The following HHIP variants were observed in gnomAD, a reference collection of about 807,000 sequenced individuals.
HHIP encodes the protein hedgehog-interacting protein.
HHIP carries 12 observed loss-of-function variants against 74.0 expected under a neutral mutation model. That is an observed-to-expected ratio of 0.16 (90% CI 0.10 to 0.26). The LOEUF is 0.26. Among genes scored for constraint, HHIP ranks in the 10% least tolerant of loss-of-function variants. The pLI is 1.00. For missense variants in HHIP, 788 were observed against 845.0 expected, an observed-to-expected ratio of 0.93 and a Z score of 0.84; for synonymous variants, 309 against 311.6, an observed-to-expected ratio of 0.99 and a Z score of 0.09.
At chr4:144,684,254 T>C in intron 4 of HHIP, among the ~76,000 whole-genome samples, 1 of 43,408 alleles carries the variant, frequency 2.3e-5, no homozygotes, top group African/African-American at 9.6e-5. Context: ...TTTTTTTTTT[T>C]TTTTTTTTTT....
rs751329093 is a variant in HHIP, at chr4:144,674,736, C to T, written c.831+14898C>T. 3.9e-5 allele frequency among the ~76,000 whole-genome samples: 6 copies of T among 152,164 alleles called. No homozygotes were observed. In the East Asian group the frequency reaches 7.7e-4, roughly 20 times the overall value. On this transcript the variant is annotated intron_variant, in intron 4 of 12. Transcript: ENST00000296575. ...ACACAAAGAATTTAATTCTGACAGA[C>T]GTTTGTTCTCAGCATAAATACTTTA...
Position 144,684,570 on chromosome 4 carries a change from C to T in HHIP, c.832-21961C>T, listed in dbSNP as rs372010345. Among the ~76,000 whole-genome samples, 12 of 152,056 alleles carry T rather than the reference C, an allele frequency of 7.9e-5. 1 individual carries two copies. The highest frequency in any genetic ancestry group is 1.9e-4 in the East Asian group (1 of 5,142). On this transcript the variant is annotated intron_variant, in intron 4 of 12. Transcript: ENST00000296575. Reference sequence around the variant, plus strand: ...CTGAGATTACAGGCGTGAGCCACCGCGCCCGGCCAAAAGAAAATCTTTGAA... The same window carrying T: ...CTGAGATTACAGGCGTGAGCCACCGTGCCCGGCCAAAAGAAAATCTTTGAA...
chr4:144,707,931 A>G (rs1295754254), intron 6 of HHIP, among the ~76,000 whole-genome samples: 1 of 151,932 alleles, frequency 6.6e-6, no homozygotes, highest in African/African-American at 2.4e-5. Flanking sequence ...TTTTGTAGAG[A>G]TGGAGTCTCG....
At chr4:144,684,328 G>C (rs1304608878) in intron 4 of HHIP, among the ~76,000 whole-genome samples, 1 of 117,454 alleles carries the variant, frequency 8.5e-6, no homozygotes, top group African/African-American at 3.3e-5. Context: ...GCGCGATCTC[G>C]GCTCACTGCA....
Position 144,734,889 on chromosome 4 carries a change from G to T in HHIP, c.1909G>T (p.Ala637Ser). 1 of 1,603,056 alleles carries T rather than the reference G, an allele frequency of 6.2e-7. No individual in the cohort carries two copies. Among genetic ancestry groups the T allele is most frequent in the South Asian group, 1.1e-5 (1 of 90,478 alleles). ...PGWEGDFCRT[A>S]KCEPACRHGG... is the part of the protein sequence containing the mutation. ...CTGGGAGGGGGACTTCTGCAGAACT[G>T]GTTAGTATTTCTGTTTTCACCTGAA... is the stretch of plus-strand genomic sequence containing the variant. The change falls in exon 12 of 13, where the codon GCA (alanine) becomes TCA (serine). Residue 637 changes from alanine (A) to serine (S), a missense_variant and splice_region_variant. Ala to Ser is a moderately conservative substitution (Grantham distance 99, BLOSUM62 1). This residue lies in a region of HHIP where 343 missense variants were observed against 347.9 expected (regional missense o/e 0.99). Coordinates refer to ENST00000296575, the MANE Select transcript of HHIP (RefSeq NM_022475.3).
chr4:144,646,585 C>T lies in HHIP; in HGVS notation c.-91C>T, dbSNP rs1227029073. The T allele has an allele frequency of 7.3e-7, 1 of 1,376,822 alleles. No homozygotes were observed. Among genetic ancestry groups the T allele is most frequent in the African/African-American group, 1.4e-5 (1 of 69,200 alleles). 85.3% of individuals were successfully genotyped at this position (1,376,822 alleles called of 1,614,324 possible). ...CTGGAGTGCCCTACAGCCCCGCAAA[C>T]TCCTCCTGGAGCTGCGCCCTAGTGC... On this transcript the variant is annotated 5_prime_UTR_variant, in exon 1 of 13. Transcript: ENST00000296575.
chr4:144,720,229 C>T (rs935186839), intron 11 of HHIP, among the ~76,000 whole-genome samples: 3 of 152,010 alleles, frequency 2.0e-5, no homozygotes, highest in Non-Finnish European at 4.4e-5. Context: ...TAAAATCAGA[C>T]ACTTAGGGGA....
intron 4 of HHIP, among the ~76,000 whole-genome samples, chr4:144,684,993 C>T (rs1426157599): frequency 6.6e-6 from 1 of 152,192 alleles, no homozygotes; most frequent in Non-Finnish European, 1.5e-5. Context: ...CAACCTTTTG[C>T]ACTATACAAG....
chr4:144,677,616 G>A (rs542600510), intron 4 of HHIP, among the ~76,000 whole-genome samples: 1 of 152,298 alleles, frequency 6.6e-6, no homozygotes, highest in East Asian at 1.9e-4. Context: ...GGTGTTGTTA[G>A]TAGAGAAAGG....
rs144312010 is a variant in HHIP at position 144,667,212 on chromosome 4, T to C, written c.831+7374T>C. ...CAAAAATTTAAACATTAGCCAGGTGTGATGGCATGCACCTATAGTCTCAGC... is the reference window on the plus strand; with the variant it reads ...CAAAAATTTAAACATTAGCCAGGTGCGATGGCATGCACCTATAGTCTCAGC... On this transcript the variant is annotated intron_variant, in intron 4 of 12. Coordinates refer to ENST00000296575, the MANE Select transcript of HHIP (RefSeq NM_022475.3). Among the ~76,000 whole-genome samples the C allele has an allele frequency of 3.7e-3, 557 of 152,184 alleles. 5 individuals are homozygous for C. The highest frequency in any genetic ancestry group is 0.012 in the African/African-American group (518 of 41,518).
chr4:144,670,764 G>GAAAAAA (rs1167213848), intron 4 of HHIP, among the ~76,000 whole-genome samples: 62 of 54,870 alleles, frequency 1.1e-3, no homozygotes, highest in South Asian at 4.5e-3. Context: ...CTTAAGATTT[G>GAAAAAA]AAAAAAAAAA....
chr4:144,653,554 T>C (rs1183873333), intron 2 of HHIP, among the ~76,000 whole-genome samples: 3 of 152,194 alleles, frequency 2.0e-5, no homozygotes, highest in Non-Finnish European at 2.9e-5. Context: ...GCTGTTGCTT[T>C]AGTTGGAAGA....
chr4:144,681,283 TAA>T (rs984223548), intron 4 of HHIP, among the ~76,000 whole-genome samples: 20 of 152,260 alleles, frequency 1.3e-4, no homozygotes, highest in Admixed American at 7.8e-4. Context: ...TCTGAATATA[TAA>T]AGACTATGAA....
intron 4 of HHIP, among the ~76,000 whole-genome samples, chr4:144,660,683 C>T (rs1472834521): frequency 6.6e-6 from 1 of 151,916 alleles, no homozygotes; most frequent in Non-Finnish European, 1.5e-5. Context: ...TAAGAAGACC[C>T]AAATCAGAAG....
At chr4:144,722,286 A>C (rs1730660674) in intron 11 of HHIP, among the ~76,000 whole-genome samples, 1 of 152,130 alleles carries the variant, frequency 6.6e-6, no homozygotes, top group Non-Finnish European at 1.5e-5. Flanking sequence ...CTGATCTCTA[A>C]ATCTTCCTTA....
intron 4 of HHIP, among the ~76,000 whole-genome samples, chr4:144,680,541 T>G (rs1380511402): frequency 2.0e-5 from 3 of 152,234 alleles, no homozygotes; most frequent in Non-Finnish European, 2.9e-5. Flanking sequence ...ATCTATTTTC[T>G]AAGATCTCTA....
rs567759089 is a variant in HHIP, at chr4:144,722,785, T to C, written c.1760+3829T>C. On this transcript the variant is annotated intron_variant, in intron 11 of 12. Transcript: ENST00000296575. ...AGGATAATCACTTGAATCCAGGAGGTGGAGGTTGCAGTGAGCTGAGATCAC... is the reference window on the plus strand; with the variant it reads ...AGGATAATCACTTGAATCCAGGAGGCGGAGGTTGCAGTGAGCTGAGATCAC... 4.6e-5 allele frequency among the ~76,000 whole-genome samples: 7 copies of C among 151,810 alleles called. No homozygotes were observed. In the East Asian group the frequency reaches 1.4e-3, roughly 29 times the overall value.
At chr4:144,717,646 A>G (rs1381631396) in intron 10 of HHIP, among the ~76,000 whole-genome samples, 1 of 152,150 alleles carries the variant, frequency 6.6e-6, no homozygotes, top group African/African-American at 2.4e-5. Context: ...GTTTTCTCCT[A>G]AAAGAGTACC....
At chr4:144,648,722 A>G (rs961311505) in intron 1 of HHIP, 1 of 152,212 alleles carries the variant, frequency 6.6e-6, no homozygotes, top group African/African-American at 2.4e-5. Flanking sequence ...TCTTCCAGAG[A>G]CATGTGGAAT....
Sources: gnomAD v4.1 joint callset for allele counts (sites outside exome capture counted in the v4.1 genomes callset) on GRCh38, gnomAD v4.1.1 for gene constraint, gnomAD v4.1.1 regional missense constraint, MANE v1.5 for transcripts, NCBI Gene and HGNC (gene_info 2026-07-23, HGNC 2026-07-21) for gene names.